HELZ: variants seen among roughly 807,000 people sequenced by gnomAD.
HELZ encodes helicase with zinc finger, also known as ATP-dependent RNA helicase with zinc finger domain.
Under a neutral mutation model 218.2 loss-of-function variants are expected in HELZ, and 23 were observed. The observed-to-expected ratio is 0.11, with a 90% confidence interval of 0.08 to 0.15. HELZ has a LOEUF of 0.15. Ranked by LOEUF, HELZ falls within the 10% of genes least tolerant of loss-of-function variation. HELZ has a pLI of 1.00. For missense variants in HELZ, 1,813 were observed against 2,353.7 expected (o/e 0.77, Z 4.75); for synonymous variants, 814 against 829.4 (o/e 0.98, Z 0.32).
chr17:67,089,418 G>C (rs1259320951), intron 31 of HELZ, among the ~76,000 whole-genome samples: 2 of 151,870 alleles, frequency 1.3e-5, no homozygotes, highest in African/African-American at 2.4e-5. Context: ...TATATCATTT[G>C]TATCTTCCAA....
chr17:67,206,386 G>A (rs2040297734), intron 5 of HELZ, among the ~76,000 whole-genome samples: 1 of 152,188 alleles, frequency 6.6e-6, no homozygotes, highest in African/African-American at 2.4e-5. Context: ...TAGACTTAAA[G>A]GAGTAATATT....
At chr17:67,228,479 T>C (rs1001502736) in intron 3 of HELZ, among the ~76,000 whole-genome samples, 5 of 151,882 alleles carry the variant, frequency 3.3e-5, no homozygotes, top group African/African-American at 4.8e-5. Context: ...CAGGGCAACA[T>C]GGCGAAACCC....
rs111459038 is a variant in HELZ, at chr17:67,159,826, T to C, written c.2177+435A>G. ...ATTTCAGTATTTCATGTTTATCTAA[T>C]GTGTAGCTTCTATGAAATTACCTGC... On this transcript the variant is annotated intron_variant, in intron 17 of 32. Coordinates refer to ENST00000358691, the MANE Select transcript of HELZ (RefSeq NM_014877.4). Among the ~76,000 whole-genome samples the C allele has an allele frequency of 6.3e-3, 959 of 152,320 alleles. 9 individuals are homozygous for C. The highest frequency in any genetic ancestry group is 0.022 in the African/African-American group (913 of 41,586).
chr17:67,117,401 A>G (rs2037459639), intron 27 of HELZ, among the ~76,000 whole-genome samples: 1 of 152,226 alleles, frequency 6.6e-6, no homozygotes, highest in Admixed American at 6.5e-5. Context: ...AAGAGAAATT[A>G]GGAAGCATAC....
At position 67,109,496 on chromosome 17, in the gene HELZ, G is replaced by A; in HGVS notation, c.4109C>T (p.Pro1370Leu). 2.5e-6 allele frequency: 4 copies of A among 1,614,158 alleles called. No individual in the cohort carries two copies. Among genetic ancestry groups the A allele is most frequent in the Non-Finnish European group, 3.4e-6 (4 of 1,180,042 alleles). The change falls in exon 29 of 33, where the codon CCC becomes CTC. Residue 1370 changes from proline to leucine, a missense_variant. By Grantham distance (98) the Pro-to-Leu change is moderately conservative. Transcript: ENST00000358691. The part of the protein sequence containing the change: ...FHPLPQLPRP[P>L]FPIPQQHTLL... The stretch of plus-strand genomic sequence containing the variant: ...GGTGTGCTGCTGTGGAATTGGAAAG[G>A]GTGGTCTTGGTAGCTGGGGAAGGGG...
rs560031669 is a variant in HELZ at position 67,199,326 on chromosome 17, T to A, written c.429+1803A>T. 6.6e-5 allele frequency among the ~76,000 whole-genome samples: 10 copies of A among 151,652 alleles called. No homozygotes were observed. In the South Asian group the frequency reaches 1.9e-3, roughly 29 times the overall value. On this transcript the variant is annotated intron_variant, in intron 7 of 32. Transcript: ENST00000358691. ...CTCCTGGGTTCAAGCCATTCTCCTG[T>A]CTCAGCCTCCTGAGTAGCTGGGATT... is the stretch of plus-strand genomic sequence containing the variant.
chr17:67,129,247 T>C (rs944066366), intron 23 of HELZ, among the ~76,000 whole-genome samples: 6 of 152,106 alleles, frequency 3.9e-5, no homozygotes, highest in African/African-American at 1.2e-4. Context: ...CATACATATA[T>C]ATACTATGTA....
chr17:67,107,483 C>T lies in HELZ; in HGVS notation c.4927G>A (p.Val1643Ile). 6.2e-7 allele frequency: 1 copy of T among 1,614,150 alleles called. No homozygotes were observed. The highest frequency in any genetic ancestry group is 8.5e-7 in the Non-Finnish European group (1 of 1,180,042). Reference sequence around the variant, plus strand: ...TGTGGAAATGCTGGGTTGCTGGCTACTTCAATGTCTCTGCTGTTATCATTA... The same window carrying T: ...TGTGGAAATGCTGGGTTGCTGGCTATTTCAATGTCTCTGCTGTTATCATTA... ...NFNDNSRDIEVASNPAFPQRL... is the reference protein window; with the variant it reads ...NFNDNSRDIEIASNPAFPQRL... The change falls in exon 31 of 33, where the codon GTA (valine) becomes ATA (isoleucine). Residue 1643 changes from valine (V) to isoleucine (I), a missense_variant. Val to Ile is a conservative substitution (Grantham distance 29). Around this residue, in one of 4 missense-constraint regions of HELZ, gnomAD observed 938 missense variants for 1,027.5 expected, o/e 0.91. Coordinates refer to ENST00000358691, the MANE Select transcript of HELZ (RefSeq NM_014877.4).
intron 17 of HELZ, among the ~76,000 whole-genome samples, chr17:67,155,268 A>G (rs1487274549): frequency 6.6e-6 from 1 of 152,204 alleles, no homozygotes; most frequent in Non-Finnish European, 1.5e-5. Flanking sequence ...GAGAAGTATC[A>G]GCATAACAAA....
intron 5 of HELZ, among the ~76,000 whole-genome samples, chr17:67,208,584 T>A (rs891809618): frequency 2.4e-4 from 36 of 152,158 alleles, no homozygotes; most frequent in South Asian, 4.1e-4. Context: ...ATAAATTTTT[T>A]AAAAAATAGT....
At position 67,151,134 on chromosome 17, in the gene HELZ, C is replaced by A. The variant is rs1315970452; in HGVS notation, c.2268G>T (p.Met756Ile). Residue 756 changes from methionine to isoleucine, a missense_variant, in exon 18 of 33, where the codon ATG becomes ATT. By Grantham distance (10) the Met-to-Ile change is conservative (BLOSUM62 1). Coordinates refer to ENST00000358691, the MANE Select transcript of HELZ (RefSeq NM_014877.4). ...GTTTAAGAATATCTTCTTTCTGGGG[C>A]ATCTGAAAGGTGGAATGTGCGCTTG... ...LISSAHSTFQ[M>I]PQKEDILKHR... 6.2e-7 allele frequency: 1 copy of A among 1,613,770 alleles called. No individual in the cohort carries two copies. Among genetic ancestry groups the A allele is most frequent in the Non-Finnish European group, 8.5e-7 (1 of 1,179,822 alleles).
In HELZ at chr17:67,145,833, T is replaced by G. The variant is rs1268930252; in HGVS notation, c.2679A>C (p.Ala893=). ...GKLMASGKQP[A]HKDFYPLTFF... ...AAGTTAGTGGGTAGAAATCTTTGTG[T>G]GCTGGCTGCTTCCCACTGGCCATCA... is the stretch of plus-strand genomic sequence containing the variant. Residue 893 remains alanine (A), a synonymous_variant, in exon 21 of 33, where the codon GCA becomes GCC. Coordinates refer to ENST00000358691, the MANE Select transcript of HELZ (RefSeq NM_014877.4). 2.5e-6 allele frequency: 4 copies of G among 1,613,790 alleles called. No individual in the cohort carries two copies. Among genetic ancestry groups the G allele is most frequent in the Non-Finnish European group, 2.5e-6 (3 of 1,179,770 alleles).
chr17:67,225,902 C>T (rs188753482), intron 3 of HELZ, among the ~76,000 whole-genome samples: 1 of 152,206 alleles, frequency 6.6e-6, no homozygotes, highest in African/African-American at 2.4e-5. Context: ...GAATAAAAGA[C>T]AAGTTAGAGA....
chr17:67,091,827 T>A (rs2036581839), intron 31 of HELZ, among the ~76,000 whole-genome samples: 1 of 152,162 alleles, frequency 6.6e-6, no homozygotes, highest in Non-Finnish European at 1.5e-5. Flanking sequence ...TTCCCCAAGA[T>A]TTGAGGAAGA....
intron 8 of HELZ, 28 bp downstream of exon 8, chr17:67,195,391 C>G (rs916797154): frequency 6.9e-7 from 1 of 1,451,898 alleles, no homozygotes; most frequent in African/African-American, 1.4e-5. Context: ...TCACAGCTAC[C>G]AGAAGTTACA....
chr17:67,193,903 A>C, intron 9 of HELZ, 64 bp downstream of exon 9: 1 of 1,216,758 alleles, frequency 8.2e-7, no homozygotes, highest in South Asian at 1.3e-5. Flanking sequence ...CCATTAGATA[A>C]GGAAAATTAT....
rs1379708509 is a variant in HELZ, at chr17:67,148,720, A to G, written c.2476-6T>C. The G allele has an allele frequency of 2.5e-6, 4 of 1,603,086 alleles. No homozygotes were observed. In the South Asian group the frequency reaches 4.5e-5, roughly 18 times the overall value. On this transcript the variant is annotated splice_region_variant and splice_polypyrimidine_tract_variant and intron_variant, in intron 19 of 32. Transcript: ENST00000358691. ...CTGTAAACAAAAGGACTGAGCTGTA[A>G]CAGACAAACATACAGAGAAAGTTTA...
At chr17:67,238,458 G>T (rs927126892) in intron 3 of HELZ, among the ~76,000 whole-genome samples, 1 of 151,786 alleles carries the variant, frequency 6.6e-6, no homozygotes, top group African/African-American at 2.4e-5. Flanking sequence ...GAAGCGAGTG[G>T]ATCACCTGAG....
intron 5 of HELZ, among the ~76,000 whole-genome samples, chr17:67,206,942 C>T (rs148005941): frequency 2.4e-4 from 36 of 150,342 alleles, no homozygotes; most frequent in African/African-American, 8.1e-4. Flanking sequence ...GACAGAGTTT[C>T]GCTCTTGTTG....
Sources: gnomAD v4.1 joint callset for allele counts (sites outside exome capture counted in the v4.1 genomes callset) on GRCh38, gnomAD v4.1.1 for gene constraint, gnomAD v4.1.1 regional missense constraint, MANE v1.5 for transcripts, NCBI Gene and HGNC (gene_info 2026-07-23, HGNC 2026-07-21) for gene names.